Variants in ERBB4 observed in about 807,000 individuals in gnomAD.
The protein encoded by ERBB4 is receptor tyrosine-protein kinase erbB-4.
A neutral mutation model predicts 158.0 loss-of-function variants in ERBB4; 42 were observed. The observed-to-expected ratio is 0.27, with a 90% CI of 0.21 to 0.34. ERBB4 has a LOEUF of 0.34. Among genes scored for constraint, ERBB4 ranks in the 10% least tolerant of loss-of-function variants. The pLI, the probability that ERBB4 is intolerant of heterozygous loss-of-function variation, is 1.00. For synonymous variants in ERBB4, 583 were observed against 558.7 expected (o/e 1.04, Z -0.61); for missense variants, 1,333 against 1,624.1 (o/e 0.82, Z 3.08).
intron 2 of ERBB4, among the ~76,000 whole-genome samples, chr2:212,120,263 G>T (rs1268640240): frequency 6.6e-6 from 1 of 152,134 alleles, no homozygotes; most frequent in Non-Finnish European, 1.5e-5. Flanking sequence ...GAGTAGTCAA[G>T]AACCTAATAG....
At chr2:212,234,799 G>A (rs546195608) in intron 1 of ERBB4, among the ~76,000 whole-genome samples, 10 of 152,068 alleles carry the variant, frequency 6.6e-5, no homozygotes, top group South Asian at 6.2e-4. Flanking sequence ...ATGTCTGTTC[G>A]TATCCTTTGT....
At chr2:212,090,508 T>A (rs1364211810) in intron 2 of ERBB4, among the ~76,000 whole-genome samples, 1 of 152,138 alleles carries the variant, frequency 6.6e-6, no homozygotes, top group Non-Finnish European at 1.5e-5. Flanking sequence ...TATAGAAGCA[T>A]CTAGTCTTGG....
intron 12 of ERBB4, among the ~76,000 whole-genome samples, chr2:211,688,078 C>T (rs1306138621): frequency 6.6e-6 from 1 of 152,148 alleles, no homozygotes; most frequent in Non-Finnish European, 1.5e-5. Flanking sequence ...ATGTTATTCA[C>T]TCCACATTAC....
chr2:211,487,128 T>C (rs2125561604), intron 20 of ERBB4, among the ~76,000 whole-genome samples: 1 of 147,614 alleles, frequency 6.8e-6, no homozygotes, highest in Middle Eastern at 3.4e-3. Flanking sequence ...ATATATCTCC[T>C]AATGCTATCC....
intron 1 of ERBB4, among the ~76,000 whole-genome samples, chr2:212,459,798 C>A (rs979877276): frequency 2.0e-5 from 3 of 152,084 alleles, no homozygotes; most frequent in African/African-American, 7.2e-5. Flanking sequence ...ATATTTACAG[C>A]CTACTAATGT....
At chr2:211,737,795 A>T (rs532834880) in intron 5 of ERBB4, among the ~76,000 whole-genome samples, 1 of 152,262 alleles carries the variant, frequency 6.6e-6, no homozygotes, top group South Asian at 2.1e-4. Flanking sequence ...AATGGTAGTT[A>T]TTATCTCGCT....
intron 3 of ERBB4, among the ~76,000 whole-genome samples, chr2:211,890,476 A>G (rs559483903): frequency 7.2e-5 from 11 of 152,052 alleles, no homozygotes; most frequent in Non-Finnish European, 1.6e-4. Flanking sequence ...GACCATCGAG[A>G]CTAGGAAGAA....
At chr2:212,157,380 T>C (rs947805626) in intron 1 of ERBB4, among the ~76,000 whole-genome samples, 5 of 152,100 alleles carry the variant, frequency 3.3e-5, no homozygotes, top group African/African-American at 1.2e-4. Flanking sequence ...TAGATCAGAC[T>C]GTATTTGCAT....
At chr2:212,396,800 T>C (rs2091038424) in intron 1 of ERBB4, among the ~76,000 whole-genome samples, 2 of 152,176 alleles carry the variant, frequency 1.3e-5, no homozygotes, top group East Asian at 3.8e-4. Flanking sequence ...TTTAAACATC[T>C]CTAATTGTGA....
At chr2:212,471,604 A>T (rs1007707335) in intron 1 of ERBB4, among the ~76,000 whole-genome samples, 1 of 151,930 alleles carries the variant, frequency 6.6e-6, no homozygotes, top group African/African-American at 2.4e-5. Context: ...AGTGGATAAG[A>T]CCAGATTGTT....
intron 20 of ERBB4, among the ~76,000 whole-genome samples, chr2:211,433,228 A>G (rs1439795499): frequency 6.6e-6 from 1 of 152,242 alleles, no homozygotes; most frequent in Non-Finnish European, 1.5e-5. Flanking sequence ...GTCATGGTAA[A>G]GAACTTAGAC....
intron 2 of ERBB4, among the ~76,000 whole-genome samples, chr2:211,982,460 G>A (rs928034971): frequency 2.0e-5 from 3 of 152,202 alleles, no homozygotes; most frequent in Non-Finnish European, 4.4e-5. Context: ...AGAACAAGGA[G>A]AGAAAAAAAT....
chr2:211,787,805 G>T (rs1184655987), intron 4 of ERBB4, among the ~76,000 whole-genome samples: 1 of 152,066 alleles, frequency 6.6e-6, no homozygotes, highest in Non-Finnish European at 1.5e-5. Flanking sequence ...AGAGGAACAT[G>T]TTAACAAAAT....
At chr2:211,982,393 C>A (rs1040129358) in intron 2 of ERBB4, among the ~76,000 whole-genome samples, 1 of 152,002 alleles carries the variant, frequency 6.6e-6, no homozygotes, top group East Asian at 1.9e-4. Flanking sequence ...AACAAAAAAA[C>A]AAAAAGTACA....
chr2:212,126,992 T>G (rs1433283867), intron 1 of ERBB4, among the ~76,000 whole-genome samples: 1 of 152,170 alleles, frequency 6.6e-6, no homozygotes, highest in African/African-American at 2.4e-5. Flanking sequence ...AAATCCAAAC[T>G]TTTAAAGTCT....
At chr2:212,448,970 C>T (rs1278801530) in intron 1 of ERBB4, among the ~76,000 whole-genome samples, 1 of 152,078 alleles carries the variant, frequency 6.6e-6, no homozygotes, top group African/African-American at 2.4e-5. Flanking sequence ...TTGCCTCAAA[C>T]TTTTCTTTCC....
At chr2:211,428,608 A>G (rs2063685186) in intron 21 of ERBB4, 125 bp from the exon 22 acceptor site, 1 of 512,276 alleles carries the variant, frequency 2.0e-6, no homozygotes, top group Non-Finnish European at 3.5e-6. Flanking sequence ...GTATAGATAT[A>G]ACTATAACTA....
At chr2:211,936,042 T>G (rs1306640261) in intron 3 of ERBB4, among the ~76,000 whole-genome samples, 1 of 152,162 alleles carries the variant, frequency 6.6e-6, no homozygotes. Flanking sequence ...GTTATATGAA[T>G]AATTTTTTAA....
chr2:211,940,872 C>G (rs1194054481), intron 3 of ERBB4, among the ~76,000 whole-genome samples: 1 of 152,260 alleles, frequency 6.6e-6, no homozygotes, highest in Admixed American at 6.5e-5. Flanking sequence ...TTCTATAAAT[C>G]CACTCATCAG....
Sources: gnomAD v4.1 joint callset for allele counts (sites outside exome capture counted in the v4.1 genomes callset) on GRCh38, gnomAD v4.1.1 for gene constraint, MANE v1.5 for transcripts, NCBI Gene and HGNC (gene_info 2026-07-23, HGNC 2026-07-21) for gene names.